The following PPP3CB variants were observed in gnomAD, a reference collection of about 807,000 sequenced individuals.
PPP3CB encodes the protein protein phosphatase 3 catalytic subunit beta, also known as serine/threonine-protein phosphatase 2B catalytic subunit beta isoform.
A neutral mutation model predicts 66.4 loss-of-function variants in PPP3CB; 8 were observed. The ratio of observed to expected loss-of-function variants is 0.12; its 90% CI spans 0.07 to 0.22. The LOEUF is 0.22. Ranked by LOEUF, PPP3CB falls within the 10% of genes least tolerant of loss-of-function variation. The probability of loss-of-function intolerance (pLI) is 1.00; values close to 1 mark genes in which losing one functional copy is unlikely to be tolerated. For synonymous variants in PPP3CB, 208 were observed against 221.2 expected, an observed-to-expected ratio of 0.94 and a Z score of 0.53; for missense variants, 319 against 642.5, an observed-to-expected ratio of 0.50 and a Z score of 5.44.
At chr10:73,469,406 T>C (rs1459668721) in intron 8 of PPP3CB, among the ~76,000 whole-genome samples, 1 of 152,004 alleles carries the variant, frequency 6.6e-6, no homozygotes, top group Non-Finnish European at 1.5e-5. Context: ...CTGGGCGAGG[T>C]GGCGGGTGCC....
chr10:73,441,727 T>C (rs1160358245), intron 12 of PPP3CB, among the ~76,000 whole-genome samples: 1 of 152,166 alleles, frequency 6.6e-6, no homozygotes, highest in Non-Finnish European at 1.5e-5. Context: ...ATATTTCCCA[T>C]ATAGATCCTG....
intron 12 of PPP3CB, among the ~76,000 whole-genome samples, chr10:73,441,153 A>G (rs2056140334): frequency 6.6e-6 from 1 of 152,248 alleles, no homozygotes; most frequent in Non-Finnish European, 1.5e-5. Context: ...CAAAGCAATT[A>G]TTAATGTAAA....
chr10:73,437,670 T>C lies in PPP3CB; in HGVS notation c.*572A>G, dbSNP rs1238501344. The C allele has an allele frequency of 6.6e-6, 1 of 152,626 alleles. No homozygotes were observed. The highest frequency in any genetic ancestry group is 1.5e-5 in the Non-Finnish European group (1 of 68,028). 9.5% of individuals were successfully genotyped at this position (152,626 alleles called of 1,614,324 possible). The stretch of plus-strand genomic sequence containing the variant: ...AGGATATGCATTCATAATTAAAAAA[T>C]ACCAAGACTATGTTACAGAATTAGC... On this transcript the variant is annotated 3_prime_UTR_variant, in exon 14 of 14. Coordinates refer to ENST00000360663, the MANE Select transcript of PPP3CB (RefSeq NM_021132.4).
chr10:73,490,693 A>G (rs1363470206), intron 1 of PPP3CB, among the ~76,000 whole-genome samples: 1 of 151,866 alleles, frequency 6.6e-6, no homozygotes, highest in Non-Finnish European at 1.5e-5. Context: ...CCAACTTGGC[A>G]TTTTCCTTTT....
intron 9 of PPP3CB, among the ~76,000 whole-genome samples, chr10:73,463,757 C>T (rs887275557): frequency 2.6e-5 from 4 of 151,412 alleles, no homozygotes; most frequent in Non-Finnish European, 5.9e-5. Context: ...ATTCTCCTGC[C>T]TCAGCCTCCT....
intron 1 of PPP3CB, among the ~76,000 whole-genome samples, chr10:73,488,704 CTT>C (rs1160477439): frequency 6.6e-6 from 1 of 152,110 alleles, no homozygotes; most frequent in East Asian, 1.9e-4. Flanking sequence ...CATTGGGTCT[CTT>C]TTAATTTGTG....
intron 4 of PPP3CB, among the ~76,000 whole-genome samples, chr10:73,473,523 C>T (rs1474044514): frequency 3.9e-5 from 6 of 151,904 alleles, no homozygotes; most frequent in South Asian, 4.1e-4. Flanking sequence ...GACGTGGTGG[C>T]GCATGCCTGT....
intron 1 of PPP3CB, among the ~76,000 whole-genome samples, chr10:73,493,754 ATTT>A (rs908415156): frequency 1.3e-5 from 2 of 152,204 alleles, no homozygotes; most frequent in Non-Finnish European, 2.9e-5. Flanking sequence ...CATAAGCTTT[ATTT>A]AACTATAATT....
At chr10:73,478,409 C>A in intron 3 of PPP3CB, 90 bp downstream of exon 3, 2 of 1,208,024 alleles carry the variant, frequency 1.7e-6, no homozygotes, top group East Asian at 2.5e-5. Context: ...TTAAAAAAAC[C>A]TAACACAGGT....
At chr10:73,480,120 CTA>C (rs1056340739) in intron 1 of PPP3CB, among the ~76,000 whole-genome samples, 64 of 152,306 alleles carry the variant, frequency 4.2e-4, no homozygotes, top group Middle Eastern at 3.4e-3. Context: ...ACCAACTTGA[CTA>C]TACACTTTTA....
At chr10:73,487,323 A>G (rs1305612022) in intron 1 of PPP3CB, among the ~76,000 whole-genome samples, 1 of 151,766 alleles carries the variant, frequency 6.6e-6, no homozygotes, top group Non-Finnish European at 1.5e-5. Context: ...CAAGGTGGGT[A>G]TATCGCTTGA....
intron 9 of PPP3CB, among the ~76,000 whole-genome samples, chr10:73,466,525 G>T (rs1016319778): frequency 1.3e-5 from 2 of 152,184 alleles, no homozygotes; most frequent in African/African-American, 4.8e-5. Context: ...ATAGAAGGTT[G>T]TAAGTGTAAT....
At chr10:73,439,719 A>T (rs917948742) in intron 13 of PPP3CB, among the ~76,000 whole-genome samples, 153 bp downstream of exon 13, 7 of 152,186 alleles carry the variant, frequency 4.6e-5, no homozygotes, top group African/African-American at 1.7e-4. Context: ...AAAATTAAAA[A>T]AAGAGGGCTG....
At chr10:73,495,154 G>T (rs1440861186) in intron 1 of PPP3CB, among the ~76,000 whole-genome samples, 1 of 152,154 alleles carries the variant, frequency 6.6e-6, no homozygotes, top group Non-Finnish European at 1.5e-5. Context: ...CTATCCACAA[G>T]AATTTTTTTT....
At chr10:73,477,142 AAAC>A (rs764019599) in intron 3 of PPP3CB, 15 of 516,338 alleles carry the variant, frequency 2.9e-5, no homozygotes, top group Non-Finnish European at 5.8e-5. Context: ...AAAATGAATA[AAAC>A]AACAGTACTT....
chr10:73,446,607 C>T, intron 10 of PPP3CB, 34 bp from the exon 11 acceptor site: 1 of 1,577,488 alleles, frequency 6.3e-7, no homozygotes, highest in East Asian at 2.2e-5. Context: ...GAGAAAGGCT[C>T]AAGTTTAGGG....
rs781741320 is a variant in PPP3CB at position 73,471,617 on chromosome 10, G to A, written c.524-4C>T. ...CTTTCCGAATACTTAATTTTACCTA[G>A]AAAAACAAAAAACTAATTGAAAATT... On this transcript the variant is annotated splice_region_variant and splice_polypyrimidine_tract_variant and intron_variant, in intron 4 of 13. Transcript: ENST00000360663. The A allele has an allele frequency of 1.3e-6, 2 of 1,573,264 alleles. No homozygotes were observed. The highest frequency in any genetic ancestry group is 1.9e-5 in the Admixed American group (1 of 51,322).
In PPP3CB at chr10:73,437,852, A is replaced by G. The variant is rs1262526537; in HGVS notation, c.*390T>C. On this transcript the variant is annotated 3_prime_UTR_variant, in exon 14 of 14. Coordinates refer to ENST00000360663, the MANE Select transcript of PPP3CB (RefSeq NM_021132.4). ...CTTTAAAGACATTTCATGGAAAAAG[A>G]AAAGTCCACATTAGCTCTTAGGATT... is the stretch of plus-strand genomic sequence containing the variant. 6.2e-6 allele frequency: 1 copy of G among 160,792 alleles called. No homozygotes were observed. The highest frequency in any genetic ancestry group is 1.8e-4 in the East Asian group (1 of 5,540). The allele number at this position is 160,792 out of a possible 1,614,324, so 10.0% of individuals were successfully genotyped here.
rs1018045569 is a variant in PPP3CB at position 73,446,632 on chromosome 10, A to G, written c.1187-59T>C. The G allele has an allele frequency of 4.6e-5, 67 of 1,470,942 alleles. No homozygotes were observed. In the African/African-American group the frequency reaches 7.6e-4, roughly 17 times the overall value. The allele number at this position is 1,470,942 out of a possible 1,614,324, so 91.1% of individuals were successfully genotyped here. On this transcript the variant is annotated intron_variant, in intron 10 of 13. Coordinates refer to ENST00000360663, the MANE Select transcript of PPP3CB (RefSeq NM_021132.4). ...CAAGTTTAGGGCATGCATGCTTACA[A>G]TATTCTATTAGCCTGTTCCACACTC... is the stretch of plus-strand genomic sequence containing the variant.
Sources: allele counts gnomAD v4.1 joint callset (sites outside exome capture counted in the v4.1 genomes callset), GRCh38; gene constraint gnomAD v4.1.1; transcripts MANE v1.5; gene names NCBI Gene and HGNC (gene_info 2026-07-23, HGNC 2026-07-21).